Variants in RABL3 observed in about 807,000 individuals in gnomAD.
The protein encoded by RABL3 is RAB, member of RAS oncogene family like 3.
In RABL3, 31 loss-of-function variants were observed where a neutral mutation model predicts 31.8. That is an observed-to-expected ratio of 0.97 (90% CI 0.73 to 1.31). The LOEUF (loss-of-function observed/expected upper bound fraction) is 1.31, where lower values mean the gene tolerates loss of function less well. Ranked by LOEUF, RABL3 falls within the 40% of genes most tolerant of loss-of-function variation. The pLI is 0.00. For missense variants in RABL3, 263 were observed against 279.6 expected (o/e 0.94, Z 0.42); for synonymous variants, 97 against 99.9 (o/e 0.97, Z 0.18).
At chr3:120,702,393 G>A (rs1053160113) in intron 4 of RABL3, among the ~76,000 whole-genome samples, 2 of 151,894 alleles carry the variant, frequency 1.3e-5, no homozygotes, top group Non-Finnish European at 1.5e-5. Flanking sequence ...TAGGATTCAC[G>A]CTCCTATGAG....
chr3:120,727,243 C>T (rs1327557543), intron 2 of RABL3, among the ~76,000 whole-genome samples: 10 of 152,096 alleles, frequency 6.6e-5, no homozygotes, highest in Non-Finnish European at 1.5e-5. Context: ...TGATGGACCT[C>T]TGGTAAGACT....
rs368425855 is a variant in RABL3 at position 120,692,477 on chromosome 3, C to T, written c.606+1676G>A. On this transcript the variant is annotated intron_variant, in intron 6 of 7. Transcript: ENST00000273375. ...CCTCCCAAAGTATTGGGATTACAGG[C>T]GTGAGGCACCGTGCCCGGCTGGAGA... is the stretch of plus-strand genomic sequence containing the variant. Among the ~76,000 whole-genome samples, 124 of 152,224 alleles carry T rather than the reference C, an allele frequency of 8.1e-4. 1 individual carries two copies. The highest frequency in any genetic ancestry group is 2.8e-3 in the African/African-American group (118 of 41,532).
At chr3:120,715,792 G>A (rs1044745107) in intron 2 of RABL3, among the ~76,000 whole-genome samples, 1 of 151,942 alleles carries the variant, frequency 6.6e-6, no homozygotes, top group African/African-American at 2.4e-5. Context: ...GTGATCAGGA[G>A]CACAGGTTCT....
At chr3:120,705,257 T>A (rs766844068) in intron 4 of RABL3, among the ~76,000 whole-genome samples, 1 of 152,158 alleles carries the variant, frequency 6.6e-6, no homozygotes, top group African/African-American at 2.4e-5. Context: ...ATAGGTTCAA[T>A]GCAATTCTAA....
At chr3:120,734,214 T>C (rs935143516) in intron 1 of RABL3, among the ~76,000 whole-genome samples, 2 of 152,218 alleles carry the variant, frequency 1.3e-5, no homozygotes, top group African/African-American at 4.8e-5. Context: ...TGTCCTCTTT[T>C]ACTTCGTTGA....
chr3:120,688,957 T>G lies in RABL3; in HGVS notation c.*866A>C, dbSNP rs955713345. Reference sequence around the variant, plus strand: ...AGAATAATATTCTTAGTTTTCTGATTATAGCTAAGGGACATTTCAGGAGTT... The same window carrying G: ...AGAATAATATTCTTAGTTTTCTGATGATAGCTAAGGGACATTTCAGGAGTT... On this transcript the variant is annotated 3_prime_UTR_variant, in exon 8 of 8. Coordinates refer to ENST00000273375, the MANE Select transcript of RABL3 (RefSeq NM_173825.5). 1.3e-5 allele frequency: 2 copies of G among 152,180 alleles called. No homozygotes were observed. Among genetic ancestry groups the G allele is most frequent in the Admixed American group, 1.3e-4 (2 of 15,282 alleles). The allele number at this position is 152,180 out of a possible 1,614,324, so 9.4% of individuals were successfully genotyped here. A position where few individuals can be genotyped will look rare whatever the true frequency, so the allele number is the denominator to read the frequency against.
At chr3:120,698,666 G>A (rs1576332456) in intron 4 of RABL3, 93 bp from the exon 5 acceptor site, 1 of 1,084,270 alleles carries the variant, frequency 9.2e-7, no homozygotes, top group Non-Finnish European at 1.3e-6. Flanking sequence ...CTATTTTACT[G>A]AAAATTAACT....
intron 6 of RABL3, among the ~76,000 whole-genome samples, chr3:120,692,052 AACAATCCC>A (rs1708385669): frequency 6.6e-6 from 1 of 152,226 alleles, no homozygotes; most frequent in Admixed American, 6.5e-5. Context: ...TACATCTTAA[AACAATCCC>A]ACAAAAACCA....
intron 1 of RABL3, among the ~76,000 whole-genome samples, chr3:120,734,617 G>T (rs968090816): frequency 6.6e-6 from 1 of 152,140 alleles, no homozygotes; most frequent in African/African-American, 2.4e-5. Flanking sequence ...TCCTTGTCTT[G>T]TGCCAGTTTT....
Position 120,730,708 on chromosome 3 carries a change from T to G in RABL3, c.126A>C (p.Ser42=). The G allele has an allele frequency of 6.2e-7, 1 of 1,612,416 alleles. No homozygotes were observed. The highest frequency in any genetic ancestry group is 8.5e-7 in the Non-Finnish European group (1 of 1,178,958). ...LGNPSWTVGC[S]VDVRVHDYKE... ...AAAAGACACATACTCTGACATCCAC[T>G]GAGCAGCCCACAGTCCATGATGGAT... The change falls in exon 2 of 8, where the codon TCA becomes TCC. Residue 42 remains serine (S), a synonymous_variant. Coordinates refer to ENST00000273375, the MANE Select transcript of RABL3 (RefSeq NM_173825.5).
intron 2 of RABL3, chr3:120,722,705 A>G (rs1007842860): frequency 2.0e-5 from 3 of 152,248 alleles, no homozygotes; most frequent in African/African-American, 7.2e-5. Context: ...TACTGGGTAC[A>G]TAACGAAATG....
intron 2 of RABL3, among the ~76,000 whole-genome samples, chr3:120,720,642 A>ATTT (rs1708728002): frequency 6.6e-6 from 1 of 152,210 alleles, no homozygotes. Context: ...AGAAAAAAGA[A>ATTT]TAAAAAGAAA....
At chr3:120,718,229 T>C (rs1708693207) in intron 2 of RABL3, among the ~76,000 whole-genome samples, 1 of 152,200 alleles carries the variant, frequency 6.6e-6, no homozygotes, top group Admixed American at 6.5e-5. Context: ...CTTCTCCTTA[T>C]GTCCTCTCAG....
At position 120,688,656 on chromosome 3, in the gene RABL3, G is replaced by C. The variant is rs988365385; in HGVS notation, c.*1167C>G. The C allele has an allele frequency of 5.3e-5, 8 of 152,192 alleles. No homozygotes were observed. Among genetic ancestry groups the C allele is most frequent in the Non-Finnish European group, 4.4e-5 (3 of 68,040 alleles). The allele number at this position is 152,192 out of a possible 1,614,324, so 9.4% of individuals were successfully genotyped here. On this transcript the variant is annotated 3_prime_UTR_variant, in exon 8 of 8. Transcript: ENST00000273375. ...CAGGAGTGCAGAGACCTGCAGCAGAGCCAGAGAGAGAATACGGGTGATAGA... is the reference window on the plus strand; with the variant it reads ...CAGGAGTGCAGAGACCTGCAGCAGACCCAGAGAGAGAATACGGGTGATAGA...
At chr3:120,737,472 C>T (rs1030326489) in intron 1 of RABL3, among the ~76,000 whole-genome samples, 7 of 152,332 alleles carry the variant, frequency 4.6e-5, no homozygotes, top group Admixed American at 1.3e-4. Flanking sequence ...GTTTGAACTT[C>T]GTCCTTTAGC....
At chr3:120,708,517 C>T (rs956508099) in intron 3 of RABL3, among the ~76,000 whole-genome samples, 1 of 151,964 alleles carries the variant, frequency 6.6e-6, no homozygotes, top group Admixed American at 6.6e-5. Context: ...ATTCAGACTT[C>T]TCTGTGCCAG....
At chr3:120,698,624 G>C in intron 4 of RABL3, 51 bp from the exon 5 acceptor site, 4 of 1,468,264 alleles carry the variant, frequency 2.7e-6, no homozygotes, top group Non-Finnish European at 2.8e-6. Context: ...TTCTGGTGTA[G>C]ATGTGTAATA....
intron 4 of RABL3, among the ~76,000 whole-genome samples, chr3:120,700,166 T>C (rs1368070881): frequency 6.6e-6 from 1 of 152,172 alleles, no homozygotes; most frequent in African/African-American, 2.4e-5. Flanking sequence ...AAATCTTCTT[T>C]GGTAAACTTC....
At chr3:120,701,031 C>T (rs1157901951) in intron 4 of RABL3, among the ~76,000 whole-genome samples, 1 of 152,106 alleles carries the variant, frequency 6.6e-6, no homozygotes, top group Non-Finnish European at 1.5e-5. Context: ...CCACCCATCT[C>T]CCCTGGCCCC....
Sources: gnomAD v4.1 joint callset for allele counts (sites outside exome capture counted in the v4.1 genomes callset) on GRCh38, gnomAD v4.1.1 for gene constraint, MANE v1.5 for transcripts, NCBI Gene and HGNC (gene_info 2026-07-23, HGNC 2026-07-21) for gene names.